Variants in ASIC4 observed in about 807,000 individuals in gnomAD.
ASIC4 encodes the protein acid-sensing ion channel 4.
ASIC4 carries 28 observed loss-of-function variants against 53.4 expected under a neutral mutation model. The observed-to-expected ratio is 0.52, with a 90% CI of 0.39 to 0.72. The LOEUF (loss-of-function observed/expected upper bound fraction) is 0.72, where lower values mean the gene tolerates loss of function less well. ASIC4 is among the 30% of genes least tolerant of loss of function. The pLI is 0.00. For synonymous variants in ASIC4, 289 were observed against 301.4 expected, an observed-to-expected ratio of 0.96 and a Z score of 0.43; for missense variants, 649 against 729.7, an observed-to-expected ratio of 0.89 and a Z score of 1.27.
In ASIC4 at chr2:219,532,472, T is replaced by A. The variant is rs1307950262; in HGVS notation, c.1013T>A (p.Met338Lys). The change falls in exon 4 of 10, where the codon ATG (methionine) becomes AAG (lysine). Residue 338 changes from methionine to lysine, a missense_variant. Physicochemically the swap from Met to Lys is moderately conservative, Grantham distance 95. Coordinates refer to ENST00000358078, the MANE Select transcript of ASIC4 (RefSeq NM_018674.6). ...LQRCHCRMVHMPGNETICPPN... is the reference protein window; with the variant it reads ...LQRCHCRMVHKPGNETICPPN... ...CGCTGCCACTGCCGGATGGTGCACA[T>A]GCCAGGTGGGCACCCCACCCCCAGC... 6.2e-7 allele frequency: 1 copy of A among 1,609,150 alleles called. No homozygotes were observed. Among genetic ancestry groups the A allele is most frequent in the Non-Finnish European group, 8.5e-7 (1 of 1,176,856 alleles).
In ASIC4 at chr2:219,537,848, G is replaced by GT. The variant is rs1428283703; in HGVS notation, c.1507-84dup. 1.3e-6 allele frequency: 2 copies of GT among 1,495,198 alleles called. No homozygotes were observed. Among genetic ancestry groups the GT allele is most frequent in the Non-Finnish European group, 1.8e-6 (2 of 1,093,508 alleles). The allele number at this position is 1,495,198 out of a possible 1,614,324, so 92.6% of individuals were successfully genotyped here. A position where few individuals can be genotyped will look rare whatever the true frequency, so the allele number is the denominator to read the frequency against. On this transcript the variant is annotated intron_variant, in intron 9 of 9. Coordinates refer to ENST00000358078, the MANE Select transcript of ASIC4 (RefSeq NM_018674.6). This position sits in a 1 kb window ranked among gnomAD's most constrained non-coding sequence, Gnocchi z 4.9. The stretch of plus-strand genomic sequence containing the variant: ...GGGGGCCCTGGAGCCTCTGCCCGAG[G>GT]TGACAAGGAAAGGCTGGCGGTGTGA...
chr2:219,515,335 C>T (rs1463877808), intron 1 of ASIC4, 29 bp downstream of exon 1: 2 of 1,586,826 alleles, frequency 1.3e-6, no homozygotes, highest in African/African-American at 2.7e-5. Flanking sequence ...GCTGCCTGGC[C>T]TTGGATGGCC....
chr2:219,511,648 CAG>C (rs1229898822), upstream of ASIC4, among the ~76,000 whole-genome samples: 1 of 152,130 alleles, frequency 6.6e-6, no homozygotes, highest in African/African-American at 2.4e-5. The surrounding 1 kb of genome is among the most constrained non-coding windows in gnomAD (Gnocchi z 5.3). Flanking sequence ...ACACCCAGCT[CAG>C]GGCCTGGCCA....
At chr2:219,528,100 A>G (rs1694987202) in intron 1 of ASIC4, among the ~76,000 whole-genome samples, 1 of 152,290 alleles carries the variant, frequency 6.6e-6, no homozygotes, top group South Asian at 2.1e-4. Context: ...TGGCTGTGTC[A>G]GCAAGAGCTG....
At chr2:219,531,677 C>G in intron 1 of ASIC4, 81 bp from the exon 2 acceptor site, 1 of 1,487,658 alleles carries the variant, frequency 6.7e-7, no homozygotes, top group Non-Finnish European at 9.1e-7. Flanking sequence ...TCTGGTGGCC[C>G]TCAGCAGGGA....
intron 1 of ASIC4, among the ~76,000 whole-genome samples, chr2:219,528,160 AT>A (rs1694987669): frequency 6.6e-6 from 1 of 152,192 alleles, no homozygotes; most frequent in South Asian, 2.1e-4. Context: ...GTACTTTCAG[AT>A]TTCTACAAAT....
intron 1 of ASIC4, among the ~76,000 whole-genome samples, chr2:219,528,923 G>A (rs1242697741): frequency 6.6e-6 from 1 of 152,128 alleles, no homozygotes; most frequent in African/African-American, 2.4e-5. Flanking sequence ...TCTAGAGTCG[G>A]GCTGTCTTGC....
chr2:219,514,649 CGGGAGGGCACCAGGGCTGCTGGCTA>C lies in ASIC4; in HGVS notation c.-68_-44del. 1 of 1,612,586 alleles carries C rather than the reference CGGGAGGGCACCAGGGCTGCTGGCTA, an allele frequency of 6.2e-7. No homozygotes were observed. Among genetic ancestry groups the C allele is most frequent in the South Asian group, 1.1e-5 (1 of 90,930 alleles). On this transcript the variant is annotated 5_prime_UTR_variant, in exon 1 of 10. Coordinates refer to ENST00000358078, the MANE Select transcript of ASIC4 (RefSeq NM_018674.6). ...AGCAGCCGCTGCCACCACTGCCACT[CGGGAGGGCACCAGGGCTGCTGGCTA>C]GGGAGGGACAGGGCAGGGAGGCTCT...
chr2:219,512,569 T>C (rs768180701), upstream of ASIC4, among the ~76,000 whole-genome samples: 1 of 152,084 alleles, frequency 6.6e-6, no homozygotes, highest in Non-Finnish European at 1.5e-5. Flanking sequence ...TTTGGAAGTC[T>C]ACCAGGGAGG....
chr2:219,530,157 C>G (rs768170523), intron 1 of ASIC4, among the ~76,000 whole-genome samples: 6 of 152,194 alleles, frequency 3.9e-5, no homozygotes, highest in Non-Finnish European at 7.3e-5. Flanking sequence ...GCGCCGACCC[C>G]TTGCCCTCAG....
At chr2:219,514,329 A>G, upstream of ASIC4, 1 of 1,527,192 alleles carries the variant, frequency 6.5e-7, no homozygotes, top group Non-Finnish European at 8.8e-7. Flanking sequence ...AAGCGTGGGG[A>G]GGGCTCCGGA....
rs1013780303 is a variant in ASIC4 at position 219,516,526 on chromosome 2, C to T, written c.582+1220C>T. Among the ~76,000 whole-genome samples, 1 of 152,018 alleles carries T rather than the reference C, an allele frequency of 6.6e-6. No homozygotes were observed. The highest frequency in any genetic ancestry group is 2.4e-5 in the African/African-American group (1 of 41,342). ...TATTCATGGCGCTCGAGATGCTTGT[C>T]CCTAGTCCACAGTTTGCTCCCAGCA... is the stretch of plus-strand genomic sequence containing the variant. On this transcript the variant is annotated intron_variant, in intron 1 of 9. Coordinates refer to ENST00000358078, the MANE Select transcript of ASIC4 (RefSeq NM_018674.6). This position sits in a 1 kb window ranked among gnomAD's most constrained non-coding sequence, Gnocchi z 4.9.
At position 219,537,395 on chromosome 2, in the gene ASIC4, G is replaced by A; in HGVS notation, c.1401+74G>A. The stretch of plus-strand genomic sequence containing the variant: ...CAGAAGGGGGCAGTGCGGGGTGCCT[G>A]GTGGAGCTGGCCTGGCTGGAAAGTC... On this transcript the variant is annotated intron_variant, in intron 8 of 9. Coordinates refer to ENST00000358078, the MANE Select transcript of ASIC4 (RefSeq NM_018674.6). This position sits in a 1 kb window ranked among gnomAD's most constrained non-coding sequence, Gnocchi z 4.9. 6.7e-7 allele frequency: 1 copy of A among 1,499,012 alleles called. No individual in the cohort carries two copies. Among genetic ancestry groups the A allele is most frequent in the Non-Finnish European group, 9.1e-7 (1 of 1,099,410 alleles). 92.9% of individuals were successfully genotyped at this position (1,499,012 alleles called of 1,614,324 possible).
At chr2:219,509,481 A>G (rs965888480), upstream of ASIC4, among the ~76,000 whole-genome samples, 9 of 152,070 alleles carry the variant, frequency 5.9e-5, no homozygotes, top group South Asian at 2.1e-4. This position sits in a 1 kb window ranked among gnomAD's most constrained non-coding sequence, Gnocchi z 5.2. Context: ...ACTGGCAAAC[A>G]TGCAATTACC....
intron 1 of ASIC4, among the ~76,000 whole-genome samples, chr2:219,528,730 T>A (rs1694996195): frequency 6.6e-6 from 1 of 151,938 alleles, no homozygotes; most frequent in East Asian, 1.9e-4. Flanking sequence ...AGTAGAGATG[T>A]GGTTTCACCA....
upstream of ASIC4, among the ~76,000 whole-genome samples, chr2:219,511,259 A>G (rs1399976408): frequency 6.6e-6 from 1 of 152,004 alleles, no homozygotes; most frequent in Non-Finnish European, 1.5e-5. The surrounding 1 kb of genome is among the most constrained non-coding windows in gnomAD (Gnocchi z 5.3). Flanking sequence ...GGAACCCCCC[A>G]GGTTGGATCC....
At chr2:219,513,724 T>C (rs569887728), upstream of ASIC4, among the ~76,000 whole-genome samples, 3 of 152,168 alleles carry the variant, frequency 2.0e-5, no homozygotes, top group African/African-American at 2.4e-5. Flanking sequence ...GCCACAGATA[T>C]GCAAGCTGGC....
chr2:219,535,965 G>T (rs772716470), intron 6 of ASIC4, among the ~76,000 whole-genome samples: 18 of 152,060 alleles, frequency 1.2e-4, no homozygotes, highest in Non-Finnish European at 2.6e-4. Flanking sequence ...TAGAGATGGG[G>T]TTTCACCATG....
chr2:219,513,516 C>T (rs1478930527), upstream of ASIC4, among the ~76,000 whole-genome samples: 4 of 152,188 alleles, frequency 2.6e-5, no homozygotes, highest in Admixed American at 1.3e-4. Flanking sequence ...CTCCCATTGA[C>T]GCCCAGCACA....
Sources: gnomAD v4.1 joint callset for allele counts (sites outside exome capture counted in the v4.1 genomes callset) on GRCh38, gnomAD v4.1.1 for gene constraint, Gnocchi (gnomAD v3.1) non-coding constraint, MANE v1.5 for transcripts, NCBI Gene and HGNC (gene_info 2026-07-23, HGNC 2026-07-21) for gene names.